ARHGAP28: variants seen among roughly 807,000 people sequenced by gnomAD.
ARHGAP28 encodes the protein Rho GTPase activating protein 28, also known as rho GTPase-activating protein 28.
Under a neutral mutation model 90.7 loss-of-function variants are expected in ARHGAP28, and 56 were observed. The ratio of observed to expected loss-of-function variants is 0.62; its 90% CI spans 0.50 to 0.77. The LOEUF (loss-of-function observed/expected upper bound fraction) is 0.77, where lower values mean the gene tolerates loss of function less well. ARHGAP28 is among the 30% of genes least tolerant of loss of function. ARHGAP28 has a pLI of 0.00. For missense variants in ARHGAP28, 869 were observed against 900.9 expected, an observed-to-expected ratio of 0.96 and a Z score of 0.45; for synonymous variants, 308 against 323.3, an observed-to-expected ratio of 0.95 and a Z score of 0.51.
At chr18:6,842,570 A>G (rs1345369648) in intron 3 of ARHGAP28, among the ~76,000 whole-genome samples, 1 of 152,174 alleles carries the variant, frequency 6.6e-6, no homozygotes. Flanking sequence ...CTTCAGAGTC[A>G]TGTGTTTATT....
intron 1 of ARHGAP28, among the ~76,000 whole-genome samples, chr18:6,735,531 T>C (rs2055918355): frequency 6.6e-6 from 1 of 151,648 alleles, no homozygotes; most frequent in South Asian, 2.1e-4. Flanking sequence ...TGATGTTTTC[T>C]CATGATTAAA....
At chr18:6,767,522 C>A (rs2056209107) in intron 1 of ARHGAP28, among the ~76,000 whole-genome samples, 2 of 151,862 alleles carry the variant, frequency 1.3e-5, no homozygotes, top group South Asian at 4.2e-4. Flanking sequence ...TGGCTCTGTG[C>A]TTTTGTTTGT....
chr18:6,818,611 A>AG (rs761983956), intron 1 of ARHGAP28, among the ~76,000 whole-genome samples: 2 of 152,168 alleles, frequency 1.3e-5, no homozygotes, highest in African/African-American at 2.4e-5. Flanking sequence ...GAATAACTGG[A>AG]GGAATGCTAC....
At chr18:6,889,457 T>C (rs1403261181) in intron 12 of ARHGAP28, among the ~76,000 whole-genome samples, 1 of 152,196 alleles carries the variant, frequency 6.6e-6, no homozygotes, top group Non-Finnish European at 1.5e-5. Context: ...CCCTAGGAAA[T>C]TGTAAATAGT....
intron 6 of ARHGAP28, among the ~76,000 whole-genome samples, chr18:6,869,182 G>A (rs1825846371): frequency 6.9e-6 from 1 of 145,176 alleles, no homozygotes; most frequent in Non-Finnish European, 1.5e-5. Flanking sequence ...AGTTCTATTT[G>A]TTTATCTTCC....
intron 1 of ARHGAP28, among the ~76,000 whole-genome samples, chr18:6,786,670 A>T (rs1214039210): frequency 3.3e-5 from 5 of 152,210 alleles, no homozygotes; most frequent in Non-Finnish European, 5.9e-5. Context: ...ACCATTTAAA[A>T]TTTGATGAAA....
At chr18:6,810,953 A>C (rs76267721) in intron 1 of ARHGAP28, among the ~76,000 whole-genome samples, 224 of 152,264 alleles carry the variant, frequency 1.5e-3, no homozygotes, top group Non-Finnish European at 2.8e-3. Context: ...ATAAAAATAC[A>C]TAGATTTGGG....
intron 1 of ARHGAP28, among the ~76,000 whole-genome samples, chr18:6,804,930 A>G (rs1457887579): frequency 1.3e-5 from 2 of 152,222 alleles, no homozygotes. Flanking sequence ...TTATATACTT[A>G]CTTATTTAGT....
At chr18:6,814,008 A>G (rs757516025) in intron 1 of ARHGAP28, among the ~76,000 whole-genome samples, 2 of 152,246 alleles carry the variant, frequency 1.3e-5, no homozygotes, top group East Asian at 1.9e-4. Flanking sequence ...AAGTCAGCCA[A>G]TCACAACTGA....
intron 1 of ARHGAP28, among the ~76,000 whole-genome samples, chr18:6,741,514 A>G (rs1404555197): frequency 6.6e-6 from 1 of 152,220 alleles, no homozygotes; most frequent in Non-Finnish European, 1.5e-5. Context: ...CAGCTAAAAT[A>G]ACATGAGTCA....
chr18:6,807,208 T>C (rs1277061045), intron 1 of ARHGAP28, among the ~76,000 whole-genome samples: 4 of 152,182 alleles, frequency 2.6e-5, no homozygotes, highest in African/African-American at 9.7e-5. Context: ...TGTCAGTATT[T>C]TCGCTGGCTT....
chr18:6,831,756 G>A (rs1053307730), intron 2 of ARHGAP28, among the ~76,000 whole-genome samples: 1 of 151,894 alleles, frequency 6.6e-6, no homozygotes, highest in Non-Finnish European at 1.5e-5. Context: ...AGGGCCTCTA[G>A]TACAAGTTAA....
At chr18:6,826,617 C>T (rs2056665253) in intron 2 of ARHGAP28, among the ~76,000 whole-genome samples, 1 of 151,500 alleles carries the variant, frequency 6.6e-6, no homozygotes, top group South Asian at 2.1e-4. Flanking sequence ...ATGAGCCTGC[C>T]CCAGCACACT....
At chr18:6,850,726 A>T in intron 3 of ARHGAP28, 1 of 1,238,180 alleles carries the variant, frequency 8.1e-7, no homozygotes, top group South Asian at 1.6e-5. Flanking sequence ...TTTAGTTAGA[A>T]CATACCATCT....
intron 5 of ARHGAP28, among the ~76,000 whole-genome samples, chr18:6,863,745 C>A (rs2057015778): frequency 6.7e-6 from 1 of 150,304 alleles, no homozygotes; most frequent in African/African-American, 2.4e-5. Flanking sequence ...TTTATGAAAC[C>A]TCCAAAGCCT....
chr18:6,862,360 C>A (rs990432058), intron 5 of ARHGAP28, among the ~76,000 whole-genome samples: 1 of 152,114 alleles, frequency 6.6e-6, no homozygotes, highest in African/African-American at 2.4e-5. Context: ...TACTGTCACC[C>A]CCAAGACTTC....
intron 1 of ARHGAP28, among the ~76,000 whole-genome samples, chr18:6,815,918 T>TA (rs2056587541): frequency 6.6e-6 from 1 of 151,802 alleles, no homozygotes; most frequent in Non-Finnish European, 1.5e-5. Flanking sequence ...TTTTTTTTTT[T>TA]AAAGAAAGAA....
intron 1 of ARHGAP28, among the ~76,000 whole-genome samples, chr18:6,823,958 C>T (rs2056643414): frequency 6.6e-6 from 1 of 151,974 alleles, no homozygotes; most frequent in African/African-American, 2.4e-5. Flanking sequence ...AGAAAGCTGC[C>T]CCATTTTACA....
intron 17 of ARHGAP28, among the ~76,000 whole-genome samples, chr18:6,909,975 A>T (rs2057387300): frequency 6.6e-6 from 1 of 152,040 alleles, no homozygotes; most frequent in Non-Finnish European, 1.5e-5. Context: ...CCCCCCTTTA[A>T]GTCTACTCCC....
Sources: allele counts gnomAD v4.1 joint callset (sites outside exome capture counted in the v4.1 genomes callset), GRCh38; gene constraint gnomAD v4.1.1; transcripts MANE v1.5; gene names NCBI Gene and HGNC (gene_info 2026-07-23, HGNC 2026-07-21).